The following MTAP variants were observed in gnomAD, a reference collection of about 807,000 sequenced individuals.
MTAP encodes methylthioadenosine phosphorylase.
MTAP carries 33 observed loss-of-function variants against 33.6 expected under a neutral mutation model. The observed-to-expected ratio is 0.98, with a 90% CI of 0.74 to 1.31. The LOEUF (loss-of-function observed/expected upper bound fraction) is 1.31. Among genes scored for constraint, MTAP ranks in the 40% most tolerant of loss-of-function variants. MTAP has a pLI of 0.00. For missense variants in MTAP, 367 were observed against 360.0 expected (o/e 1.02, Z -0.16); for synonymous variants, 148 against 125.7 (o/e 1.18, Z -1.19).
At chr9:21,912,372 A>C (rs567956948) in intron 1 of MTAP, among the ~76,000 whole-genome samples, 1 of 152,330 alleles carries the variant, frequency 6.6e-6, no homozygotes, top group East Asian at 1.9e-4. Flanking sequence ...ACATCGATGC[A>C]AAAATCCTCA....
chr9:21,819,289 A>G (rs546594893), intron 4 of MTAP, among the ~76,000 whole-genome samples: 1 of 149,250 alleles, frequency 6.7e-6, no homozygotes, highest in African/African-American at 2.5e-5. Flanking sequence ...TTCCCTCCCC[A>G]CTCCCCCAAC....
chr9:21,884,673 CTCT>C (rs1388398061), intron 1 of MTAP, among the ~76,000 whole-genome samples: 5 of 152,116 alleles, frequency 3.3e-5, no homozygotes, highest in Non-Finnish European at 7.4e-5. Flanking sequence ...TAGTTTCTTT[CTCT>C]TCTTATAAGG....
chr9:21,882,163 A>C (rs1818022742), intron 1 of MTAP, among the ~76,000 whole-genome samples: 1 of 151,982 alleles, frequency 6.6e-6, no homozygotes, highest in Admixed American at 6.6e-5. Flanking sequence ...AAAAGAATGA[A>C]GTTGGACTCA....
At chr9:21,895,255 A>G in intron 1 of MTAP, among the ~76,000 whole-genome samples, 1 of 152,230 alleles carries the variant, frequency 6.6e-6, no homozygotes, top group East Asian at 1.9e-4. Flanking sequence ...TAGAGGCATC[A>G]GACACTACCT....
rs574490483 is a variant in MTAP, at chr9:21,827,110, G to T, written c.347+8908G>T. ...AAAAGATTAGGGGCAGCTGTACTAG[G>T]GCCACCCCCTCCCCTATTCCTGGTA... On this transcript the variant is annotated intron_variant, in intron 4 of 7. Coordinates refer to ENST00000644715, the MANE Select transcript of MTAP (RefSeq NM_002451.4). Among the ~76,000 whole-genome samples the T allele has an allele frequency of 3.1e-4, 47 of 152,228 alleles. No homozygotes were observed. In the South Asian group the frequency reaches 8.7e-3, roughly 28 times the overall value.
intron 6 of MTAP, among the ~76,000 whole-genome samples, chr9:21,857,472 T>TA (rs1825667362): frequency 6.6e-6 from 1 of 152,216 alleles, no homozygotes; most frequent in Non-Finnish European, 1.5e-5. Flanking sequence ...TAGAAAGATG[T>TA]AATCCTTGTG....
intron 5 of MTAP, among the ~76,000 whole-genome samples, chr9:21,845,729 C>T (rs961055474): frequency 6.6e-6 from 1 of 151,274 alleles, no homozygotes; most frequent in East Asian, 1.9e-4. Context: ...TTCAGAATAC[C>T]ACCATCATTG....
chr9:21,913,093 A>G (rs572030012), intron 1 of MTAP, among the ~76,000 whole-genome samples: 45 of 152,344 alleles, frequency 3.0e-4, no homozygotes, highest in South Asian at 1.0e-3. Context: ...GACCTCTTCA[A>G]GGAGAACTAC....
chr9:21,819,651 T>C (rs913616365), intron 4 of MTAP, among the ~76,000 whole-genome samples: 1 of 152,228 alleles, frequency 6.6e-6, no homozygotes, highest in Non-Finnish European at 1.5e-5. Flanking sequence ...TTTGGGTATA[T>C]ACCCAGTAAT....
chr9:21,825,223 C>T (rs1411204703), intron 4 of MTAP, among the ~76,000 whole-genome samples: 2 of 152,164 alleles, frequency 1.3e-5, no homozygotes, highest in Non-Finnish European at 2.9e-5. Flanking sequence ...GGAGCTGTTC[C>T]TATTAGGCCA....
chr9:21,894,733 C>G (rs1448379574), intron 1 of MTAP, among the ~76,000 whole-genome samples: 1 of 151,424 alleles, frequency 6.6e-6, no homozygotes, highest in Non-Finnish European at 1.5e-5. Context: ...TACCCTAGAA[C>G]TCAAAGTGTA....
At position 21,864,331 on chromosome 9, in the gene MTAP, C is replaced by G; in HGVS notation, c.*2317C>G. On this transcript the variant is annotated 3_prime_UTR_variant, in exon 8 of 8. Coordinates refer to ENST00000644715, the MANE Select transcript of MTAP (RefSeq NM_002451.4). ...GAAGAACACTTCCTGGAACACTTCT[C>G]ACTTGTGATGCTGTACTAATTTTTT... The G allele has an allele frequency of 1.0e-6, 1 of 984,964 alleles. No homozygotes were observed. The highest frequency in any genetic ancestry group is 1.7e-5 in the African/African-American group (1 of 57,230). 61.0% of individuals were successfully genotyped at this position (984,964 alleles called of 1,614,324 possible).
intron 6 of MTAP, among the ~76,000 whole-genome samples, chr9:21,857,893 A>C (rs1825674292): frequency 6.6e-6 from 1 of 152,220 alleles, no homozygotes; most frequent in African/African-American, 2.4e-5. Flanking sequence ...TGAATTGCTG[A>C]AATCATCTCC....
chr9:21,854,672 C>T lies in MTAP; in HGVS notation c.492C>T (p.His164=). Reference sequence around the variant, plus strand: ...CTAAGAAGCTAGGACTCCGGTGCCACTCAAAGGGGACAATGGTCACAATCG... The same window carrying T: ...CTAAGAAGCTAGGACTCCGGTGCCATTCAAAGGGGACAATGGTCACAATCG... ...ETAKKLGLRC[H]SKGTMVTIEG... Residue 164 remains histidine, a synonymous_variant, in exon 6 of 8, where the codon CAC becomes CAT. Transcript: ENST00000644715. 1.2e-6 allele frequency: 2 copies of T among 1,610,998 alleles called. No individual in the cohort carries two copies. Among genetic ancestry groups the T allele is most frequent in the Non-Finnish European group, 1.7e-6 (2 of 1,177,968 alleles).
chr9:21,886,208 C>T (rs1373656368), intron 1 of MTAP, among the ~76,000 whole-genome samples: 1 of 151,358 alleles, frequency 6.6e-6, no homozygotes, highest in Non-Finnish European at 1.5e-5. Context: ...TGATAATTAA[C>T]AATATTGAGC....
intron 5 of MTAP, among the ~76,000 whole-genome samples, chr9:21,849,180 T>G (rs1444364087): frequency 6.6e-6 from 1 of 152,186 alleles, no homozygotes; most frequent in East Asian, 1.9e-4. Flanking sequence ...CCAGGTCCCG[T>G]TGAGGAAGGA....
chr9:21,847,884 C>T lies in MTAP; in HGVS notation c.451-6747C>T, dbSNP rs567310632. On this transcript the variant is annotated intron_variant, in intron 5 of 7. Coordinates refer to ENST00000644715, the MANE Select transcript of MTAP (RefSeq NM_002451.4). ...AATGAAAGGTACATGCACAGCCTCG[C>T]CAGGTGTCTACTGTTAAAGTGAGAG... 2.0e-5 allele frequency among the ~76,000 whole-genome samples: 3 copies of T among 152,254 alleles called. No individual in the cohort carries two copies. In the South Asian group the frequency reaches 6.2e-4, roughly 32 times the overall value.
intron 5 of MTAP, among the ~76,000 whole-genome samples, chr9:21,852,044 A>C (rs1211488599): frequency 6.6e-6 from 1 of 152,198 alleles, no homozygotes. Context: ...TGACTAATAC[A>C]ATGGAATACT....
rs144628069 is a variant in MTAP at position 21,888,436 on chromosome 9, A to G, written c.147+33566A>G. 1.7e-3 allele frequency among the ~76,000 whole-genome samples: 253 copies of G among 152,138 alleles called. 1 individual carries two copies. Among genetic ancestry groups the G allele is most frequent in the African/African-American group, 5.8e-3 (242 of 41,504 alleles). On this transcript the variant is annotated intron_variant, in intron 1 of 1. Transcript: ENST00000577563. ...GTGAAGTATTGAAGGCCCCACTGTT[A>G]CTGTGTTGTTGTCTATCTCATTTCT...
Sources: gnomAD v4.1 joint callset for allele counts (sites outside exome capture counted in the v4.1 genomes callset) on GRCh38, gnomAD v4.1.1 for gene constraint, MANE v1.5 for transcripts, NCBI Gene and HGNC (gene_info 2026-07-23, HGNC 2026-07-21) for gene names.